The following ZBTB7C variants were observed in gnomAD, a reference collection of about 807,000 sequenced individuals.
ZBTB7C encodes zinc finger and BTB domain containing 7C.
A neutral mutation model predicts 25.7 loss-of-function variants in ZBTB7C; 8 were observed. The ratio of observed to expected loss-of-function variants is 0.31; its 90% CI spans 0.18 to 0.56. The LOEUF is 0.56. ZBTB7C is among the 20% of genes least tolerant of loss of function. The pLI, the probability that ZBTB7C is intolerant of heterozygous loss-of-function variation, is 0.91. For synonymous variants in ZBTB7C, 394 were observed against 369.0 expected (o/e 1.07, Z -0.78); for missense variants, 824 against 855.2 (o/e 0.96, Z 0.46).
rs914597525 is a variant in ZBTB7C at position 48,028,853 on chromosome 18, G to A, written c.*407C>T. Reference sequence around the variant, plus strand: ...GCAGAGACTTTGCCATAGGGGGTGGGGCTTAACCAAGGTGCATGCCCAGCC... The same window carrying A: ...GCAGAGACTTTGCCATAGGGGGTGGAGCTTAACCAAGGTGCATGCCCAGCC... On this transcript the variant is annotated 3_prime_UTR_variant, in exon 5 of 5. Coordinates refer to ENST00000590800, the MANE Select transcript of ZBTB7C (RefSeq NM_001318841.2). 11 of 198,818 alleles carry A rather than the reference G, an allele frequency of 5.5e-5. No homozygotes were observed. The highest frequency in any genetic ancestry group is 7.1e-5 in the African/African-American group (3 of 42,194). The allele number at this position is 198,818 out of a possible 1,614,324, so 12.3% of individuals were successfully genotyped here.
At chr18:48,274,539 C>T (rs948992807) in intron 2 of ZBTB7C, among the ~76,000 whole-genome samples, 4 of 152,122 alleles carry the variant, frequency 2.6e-5, no homozygotes, top group Middle Eastern at 3.2e-3. Flanking sequence ...CTCCCAAACT[C>T]GCTCCTCCCA....
intron 3 of ZBTB7C, among the ~76,000 whole-genome samples, chr18:48,093,840 G>A (rs979215248): frequency 2.0e-5 from 3 of 152,176 alleles, no homozygotes; most frequent in African/African-American, 7.2e-5. Flanking sequence ...TAGATCATGA[G>A]GTCAGGAGAT....
chr18:48,308,408 G>C (rs1272524436), intron 2 of ZBTB7C, among the ~76,000 whole-genome samples: 1 of 152,016 alleles, frequency 6.6e-6, no homozygotes, highest in African/African-American at 2.4e-5. Flanking sequence ...CCACTTTTGG[G>C]GGTCAGTCCA....
Position 48,029,653 on chromosome 18 carries a change from G to A in ZBTB7C, c.1467C>T (p.Ala489=), listed in dbSNP as rs899141758. ...RGRKPAAWRA[A]SLLFGPGGPA... is the part of the protein sequence containing the mutation. ...GGCCGCCGGGCCCGAAGAGCAGGCT[G>A]GCGGCCCTCCACGCAGCAGGCTTGC... is the stretch of plus-strand genomic sequence containing the variant. Residue 489 remains alanine, a synonymous_variant, in exon 5 of 5, where the codon GCC becomes GCT. Transcript: ENST00000590800. 6.4e-7 allele frequency: 1 copy of A among 1,552,828 alleles called. No individual in the cohort carries two copies. The highest frequency in any genetic ancestry group is 8.7e-7 in the Non-Finnish European group (1 of 1,155,660).
chr18:48,037,521 G>A (rs988705145), intron 4 of ZBTB7C, among the ~76,000 whole-genome samples: 2 of 152,228 alleles, frequency 1.3e-5, no homozygotes, highest in Non-Finnish European at 1.5e-5. Context: ...GACTACGCAC[G>A]GTTAAAACCT....
chr18:48,241,630 T>G (rs368625183), intron 2 of ZBTB7C, among the ~76,000 whole-genome samples: 3 of 152,106 alleles, frequency 2.0e-5, no homozygotes, highest in Non-Finnish European at 4.4e-5. Flanking sequence ...GAAATCAAGA[T>G]AGAAATTAAA....
rs1344082445 is a variant in ZBTB7C at position 48,028,931 on chromosome 18, C to T, written c.*329G>A. On this transcript the variant is annotated 3_prime_UTR_variant, in exon 5 of 5. Coordinates refer to ENST00000590800, the MANE Select transcript of ZBTB7C (RefSeq NM_001318841.2). ...GGCACCAGGCCAACCACCCCCTGAC[C>T]CCTCATGACTCACCCAGCTCCTAAG... The T allele has an allele frequency of 6.3e-6, 2 of 315,562 alleles. No homozygotes were observed. The highest frequency in any genetic ancestry group is 8.3e-5 in the East Asian group (1 of 12,006). 19.5% of individuals were successfully genotyped at this position (315,562 alleles called of 1,614,324 possible). A position where few individuals can be genotyped will look rare whatever the true frequency, so the allele number is the denominator to read the frequency against.
intron 2 of ZBTB7C, among the ~76,000 whole-genome samples, chr18:48,255,840 T>C (rs866002050): frequency 1.7e-4 from 26 of 152,160 alleles, no homozygotes; most frequent in Admixed American, 7.2e-4. Flanking sequence ...AGATGAAAAA[T>C]ACACTGGATA....
intron 2 of ZBTB7C, among the ~76,000 whole-genome samples, chr18:48,280,578 C>G (rs538173977): frequency 2.0e-5 from 3 of 152,170 alleles, no homozygotes; most frequent in Non-Finnish European, 4.4e-5. Context: ...TCACAGTCAT[C>G]TGCACAACCC....
chr18:48,283,941 G>T (rs1008629881), intron 2 of ZBTB7C, among the ~76,000 whole-genome samples: 1 of 151,952 alleles, frequency 6.6e-6, no homozygotes, highest in African/African-American at 2.4e-5. Flanking sequence ...GAGGTCAGGA[G>T]TTCAAGACCA....
chr18:48,384,094 G>T (rs1383574713), intron 1 of ZBTB7C, among the ~76,000 whole-genome samples: 2 of 152,150 alleles, frequency 1.3e-5, no homozygotes, highest in Non-Finnish European at 1.5e-5. Context: ...AGATATTCAG[G>T]GGGTCAAATC....
intron 3 of ZBTB7C, among the ~76,000 whole-genome samples, chr18:48,123,337 C>G (rs1472707130): frequency 6.6e-6 from 1 of 152,266 alleles, no homozygotes; most frequent in Admixed American, 6.5e-5. Context: ...CTGCTGGGAG[C>G]AAGGTCAGCA....
At chr18:48,117,050 G>T (rs1231119771) in intron 3 of ZBTB7C, among the ~76,000 whole-genome samples, 1 of 152,064 alleles carries the variant, frequency 6.6e-6, no homozygotes, top group Non-Finnish European at 1.5e-5. Flanking sequence ...TTCCAGCAAT[G>T]CAGCTGGGCT....
At chr18:48,095,111 G>T (rs535297284) in intron 3 of ZBTB7C, among the ~76,000 whole-genome samples, 17 of 152,170 alleles carry the variant, frequency 1.1e-4, no homozygotes, top group African/African-American at 4.1e-4. Context: ...TTTGAACTTT[G>T]GCAATATAAC....
upstream of ZBTB7C, among the ~76,000 whole-genome samples, chr18:48,412,269 A>AT (rs2048387322): frequency 6.6e-6 from 1 of 152,208 alleles, no homozygotes; most frequent in South Asian, 2.1e-4. Flanking sequence ...TTGGGATCAA[A>AT]TTTTTACCTA....
At position 48,077,161 on chromosome 18, in the gene ZBTB7C, G is replaced by A. The variant is rs550784163; in HGVS notation, c.-16-36038C>T. Among the ~76,000 whole-genome samples the A allele has an allele frequency of 2.6e-5, 4 of 152,100 alleles. No homozygotes were observed. The East Asian group carries it at 7.7e-4, about 29-fold the overall frequency. On this transcript the variant is annotated intron_variant, in intron 3 of 4. Transcript: ENST00000590800. ...AAAAATCAGAAAATCCTGCAGGGGTGGGGTGGAGGAAATGAGGAGATGTCG... is the reference window on the plus strand; with the variant it reads ...AAAAATCAGAAAATCCTGCAGGGGTAGGGTGGAGGAAATGAGGAGATGTCG...
chr18:48,246,459 A>C (rs1284680746), intron 2 of ZBTB7C, among the ~76,000 whole-genome samples: 1 of 151,380 alleles, frequency 6.6e-6, no homozygotes, highest in Non-Finnish European at 1.5e-5. Context: ...AATAATAATA[A>C]TAATAATAAA....
intron 3 of ZBTB7C, among the ~76,000 whole-genome samples, chr18:48,125,892 A>T (rs2039783712): frequency 6.6e-6 from 1 of 151,916 alleles, no homozygotes; most frequent in African/African-American, 2.4e-5. Flanking sequence ...TCATCGTGCA[A>T]CTCTCTTTAC....
At chr18:48,112,264 T>C (rs2039270826) in intron 3 of ZBTB7C, among the ~76,000 whole-genome samples, 2 of 133,374 alleles carry the variant, frequency 1.5e-5, no homozygotes. Flanking sequence ...TTTTTTCTTT[T>C]TTTTTTTTTT....
Sources: allele counts gnomAD v4.1 joint callset (sites outside exome capture counted in the v4.1 genomes callset), GRCh38; gene constraint gnomAD v4.1.1; transcripts MANE v1.5; gene names NCBI Gene and HGNC (gene_info 2026-07-23, HGNC 2026-07-21).